The following BABAM2 variants were observed in gnomAD, a reference collection of about 807,000 sequenced individuals.
The protein encoded by BABAM2 is BRISC and BRCA1-A complex member 2.
Under a neutral mutation model 54.7 loss-of-function variants are expected in BABAM2, and 31 were observed. The ratio of observed to expected loss-of-function variants is 0.57; its 90% CI spans 0.43 to 0.77. The LOEUF is 0.77. BABAM2 is among the 30% of genes least tolerant of loss of function. The pLI is 0.00. For missense variants in BABAM2, 364 were observed against 455.8 expected, an observed-to-expected ratio of 0.80 and a Z score of 1.83; for synonymous variants, 167 against 162.9, an observed-to-expected ratio of 1.03 and a Z score of -0.19.
At chr2:28,213,998 C>T (rs1679708623) in intron 7 of BABAM2, among the ~76,000 whole-genome samples, 1 of 150,890 alleles carries the variant, frequency 6.6e-6, no homozygotes, top group Non-Finnish European at 1.5e-5. Flanking sequence ...AGGAAGTTAG[C>T]AGAAATGGTG....
Position 28,298,390 on chromosome 2 carries a change from C to A in BABAM2, c.987C>A (p.Ser329=). 1 of 1,614,050 alleles carries A rather than the reference C, an allele frequency of 6.2e-7. No homozygotes were observed. ...PRDQPTLTFQ[S]VYHFTNSGQL... is the part of the protein sequence containing the mutation. The stretch of plus-strand genomic sequence containing the variant: ...ACCAGCCAACTCTCACATTTCAGTC[C>A]GTTTATCACTTTACCAACAGTGGAC... The change falls in exon 11 of 12, where the codon TCC becomes TCA. Residue 329 remains serine, a synonymous_variant. Coordinates refer to ENST00000379624, the MANE Select transcript of BABAM2 (RefSeq NM_199191.3).
rs1558517386 is a variant in BABAM2 at position 28,306,994 on chromosome 2, C to CGTTTTT, written c.1088+8503_1088+8504insGTTTTT. On this transcript the variant is annotated intron_variant, in intron 11 of 11. Transcript: ENST00000379624. The stretch of plus-strand genomic sequence containing the variant: ...TACAGGCATGAGCCACCACACCTGG[C>CGTTTTT]CTTTTTTTTTTTTTTTTTTTTTTTT... Among the ~76,000 whole-genome samples the CGTTTTT allele has an allele frequency of 5.5e-5, 4 of 73,100 alleles. 1 individual carries two copies. The allele number at this position is 73,100 out of a possible 152,430, so 48.0% of individuals were successfully genotyped here.
chr2:28,014,388 C>CAGA (rs1222835512), intron 4 of BABAM2, among the ~76,000 whole-genome samples: 1 of 152,134 alleles, frequency 6.6e-6, no homozygotes, highest in African/African-American at 2.4e-5. Context: ...CTGGCTCCAC[C>CAGA]AGAAGCCCCC....
intron 7 of BABAM2, among the ~76,000 whole-genome samples, chr2:28,182,401 G>T (rs1440957781): frequency 6.6e-6 from 1 of 152,124 alleles, no homozygotes; most frequent in African/African-American, 2.4e-5. Context: ...GGGATCTCAC[G>T]GTTTCTGCTG....
At chr2:28,296,039 G>T (rs1194732090) in intron 10 of BABAM2, among the ~76,000 whole-genome samples, 2 of 152,188 alleles carry the variant, frequency 1.3e-5, no homozygotes, top group East Asian at 1.9e-4. Context: ...AACCCAGGAG[G>T]CAGAGGTTGC....
chr2:28,243,862 A>T (rs1315570125), intron 9 of BABAM2, among the ~76,000 whole-genome samples: 1 of 152,102 alleles, frequency 6.6e-6, no homozygotes, highest in East Asian at 1.9e-4. Context: ...TCCAACTTAA[A>T]CTGGGCGGGC....
At chr2:28,201,392 A>T (rs1346800356) in intron 7 of BABAM2, among the ~76,000 whole-genome samples, 1 of 152,154 alleles carries the variant, frequency 6.6e-6, no homozygotes, top group East Asian at 1.9e-4. Context: ...CCTTACACAC[A>T]CATTTTTATT....
At chr2:28,181,384 A>G (rs1484892593) in intron 7 of BABAM2, among the ~76,000 whole-genome samples, 1 of 152,238 alleles carries the variant, frequency 6.6e-6, no homozygotes, top group Non-Finnish European at 1.5e-5. Context: ...AAAGACAAAT[A>G]TCACGTGTTC....
chr2:27,982,868 C>CACAT (rs1672122078), intron 3 of BABAM2, among the ~76,000 whole-genome samples: 1 of 151,800 alleles, frequency 6.6e-6, no homozygotes, highest in Non-Finnish European at 1.5e-5. Context: ...CACACACACA[C>CACAT]ACACACACAC....
intron 11 of BABAM2, chr2:28,309,322 T>C (rs1366698369): frequency 2.6e-5 from 4 of 152,178 alleles, no homozygotes; most frequent in African/African-American, 9.7e-5. Context: ...AATCTCTGCC[T>C]TCCATATGTC....
rs1260840882 is a variant in BABAM2 at position 28,304,239 on chromosome 2, A to G, written c.1088+5748A>G. Among the ~76,000 whole-genome samples the G allele has an allele frequency of 2.0e-5, 3 of 151,890 alleles. No individual in the cohort carries two copies. Among genetic ancestry groups the G allele is most frequent in the African/African-American group, 7.3e-5 (3 of 41,348 alleles). On this transcript the variant is annotated intron_variant, in intron 11 of 11. Coordinates refer to ENST00000379624, the MANE Select transcript of BABAM2 (RefSeq NM_199191.3). This position sits in a 1 kb window ranked among gnomAD's most constrained non-coding sequence, Gnocchi z 4.0. ...CCCGGCCAATTTTTGTGTTTTTAGTACAGACAGGGTTTTGGCATGTTGGCC... is the reference window on the plus strand; with the variant it reads ...CCCGGCCAATTTTTGTGTTTTTAGTGCAGACAGGGTTTTGGCATGTTGGCC...
At chr2:27,961,181 G>A (rs17006396) in intron 3 of BABAM2, among the ~76,000 whole-genome samples, 3,351 of 152,212 alleles carry the variant, frequency 0.022, 112 homozygotes, top group African/African-American at 0.075. Context: ...TGAGACAAAG[G>A]CTCAGTTTCA....
intron 3 of BABAM2, among the ~76,000 whole-genome samples, chr2:27,956,566 T>C (rs1435895605): frequency 6.6e-6 from 1 of 152,174 alleles, no homozygotes; most frequent in Middle Eastern, 3.2e-3. Context: ...AAATGAGTGA[T>C]ACAAAGGCAC....
At chr2:28,225,468 A>G (rs1406597968) in intron 7 of BABAM2, among the ~76,000 whole-genome samples, 1 of 152,218 alleles carries the variant, frequency 6.6e-6, no homozygotes, top group Non-Finnish European at 1.5e-5. Flanking sequence ...AAGGCTGGAT[A>G]GCTTCTCTAT....
At chr2:28,032,012 T>A (rs1035807559) in intron 5 of BABAM2, among the ~76,000 whole-genome samples, 3 of 152,234 alleles carry the variant, frequency 2.0e-5, no homozygotes, top group African/African-American at 7.2e-5. Flanking sequence ...AAATAGTATA[T>A]TCTCTAAATG....
chr2:28,113,943 CTGTT>C (rs1268281488), intron 6 of BABAM2, among the ~76,000 whole-genome samples: 1 of 152,104 alleles, frequency 6.6e-6, no homozygotes, highest in East Asian at 1.9e-4. Context: ...ATTTGGCTCC[CTGTT>C]TGCTTATGAT....
At chr2:28,019,002 C>T (rs982536932) in intron 4 of BABAM2, among the ~76,000 whole-genome samples, 2 of 152,008 alleles carry the variant, frequency 1.3e-5, no homozygotes, top group Non-Finnish European at 2.9e-5. Context: ...CCTCCCCTTA[C>T]CCCCCAACCC....
chr2:28,192,256 G>A (rs549062111), intron 7 of BABAM2, among the ~76,000 whole-genome samples: 1 of 152,058 alleles, frequency 6.6e-6, no homozygotes, highest in East Asian at 2.0e-4. Context: ...GGATGGTCTT[G>A]ATCTCCTGAC....
At chr2:28,205,164 G>A (rs182556823) in intron 7 of BABAM2, among the ~76,000 whole-genome samples, 24 of 151,446 alleles carry the variant, frequency 1.6e-4, no homozygotes, top group Admixed American at 1.4e-3. Context: ...GGAAAGAGGG[G>A]CATTTGTTAC....
Sources: gnomAD v4.1 joint callset for allele counts (sites outside exome capture counted in the v4.1 genomes callset) on GRCh38, gnomAD v4.1.1 for gene constraint, Gnocchi (gnomAD v3.1) non-coding constraint, MANE v1.5 for transcripts, NCBI Gene and HGNC (gene_info 2026-07-23, HGNC 2026-07-21) for gene names.